The following ZDHHC14 variants were observed in gnomAD, a reference collection of about 807,000 sequenced individuals.
ZDHHC14 encodes palmitoyltransferase ZDHHC14.
A neutral mutation model predicts 47.7 loss-of-function variants in ZDHHC14; 16 were observed. The ratio of observed to expected loss-of-function variants is 0.34; its 90% CI spans 0.23 to 0.51. ZDHHC14 has a LOEUF of 0.51. ZDHHC14 is among the 20% of genes least tolerant of loss of function. ZDHHC14 has a pLI of 0.97. For synonymous variants in ZDHHC14, 293 were observed against 278.9 expected (o/e 1.05, Z -0.50); for missense variants, 515 against 662.5 (o/e 0.78, Z 2.44).
intron 1 of ZDHHC14, among the ~76,000 whole-genome samples, chr6:157,465,899 G>C (rs1324972089): frequency 2.0e-5 from 3 of 152,120 alleles, no homozygotes; most frequent in African/African-American, 7.2e-5. Context: ...AAAATTAGCC[G>C]GGCATGGTGG....
intron 3 of ZDHHC14, among the ~76,000 whole-genome samples, chr6:157,605,623 TA>T (rs1435688537): frequency 1.3e-5 from 2 of 152,304 alleles, no homozygotes; most frequent in Non-Finnish European, 2.9e-5. Flanking sequence ...TGAAGGTTCA[TA>T]ACGGTTCATG....
chr6:157,534,030 C>G (rs780626061), intron 1 of ZDHHC14, among the ~76,000 whole-genome samples: 6 of 152,056 alleles, frequency 3.9e-5, no homozygotes, highest in Non-Finnish European at 7.3e-5. Context: ...TGTGGGGTAC[C>G]TTAGATTGGA....
intron 1 of ZDHHC14, among the ~76,000 whole-genome samples, chr6:157,409,387 C>T (rs187528801): frequency 1.4e-3 from 212 of 152,198 alleles, no homozygotes; most frequent in Non-Finnish European, 2.1e-3. Context: ...GAGGGAGCAG[C>T]GGGTTACGTA....
At chr6:157,451,621 C>T (rs1057507085) in intron 1 of ZDHHC14, among the ~76,000 whole-genome samples, 28 of 152,268 alleles carry the variant, frequency 1.8e-4, no homozygotes, top group Admixed American at 5.2e-4. Flanking sequence ...AGGGCAGTGG[C>T]GCAATATCAG....
In ZDHHC14 at chr6:157,515,530, C is replaced by G. The variant is rs374914385; in HGVS notation, c.246-27055C>G. ...AGGCTGGAATGCAGTGGCGCGCTAT[C>G]TCCGCTCACTGCAAGCTCCGCCTCC... On this transcript the variant is annotated intron_variant, in intron 1 of 8. Coordinates refer to ENST00000359775, the MANE Select transcript of ZDHHC14 (RefSeq NM_024630.3). Among the ~76,000 whole-genome samples, 68 of 141,694 alleles carry G rather than the reference C, an allele frequency of 4.8e-4. 2 individuals are homozygous for G. In the South Asian group the frequency reaches 0.015, roughly 32 times the overall value. The allele number at this position is 141,694 out of a possible 152,430, so 93.0% of individuals were successfully genotyped here.
chr6:157,539,189 TACTC>T (rs1781654861), intron 1 of ZDHHC14, among the ~76,000 whole-genome samples: 2 of 151,982 alleles, frequency 1.3e-5, no homozygotes, highest in Admixed American at 1.3e-4. Flanking sequence ...GCAGGAGGAT[TACTC>T]GAGCCCAGGA....
At chr6:157,460,166 G>A (rs544699441) in intron 1 of ZDHHC14, among the ~76,000 whole-genome samples, 17 of 151,226 alleles carry the variant, frequency 1.1e-4, no homozygotes, top group Admixed American at 2.0e-4. Flanking sequence ...TTGCGCCACT[G>A]CACTCCAGCC....
rs535415819 is a variant in ZDHHC14, at chr6:157,676,723, G to C, written c.*3601G>C. 6.6e-6 allele frequency: 1 copy of C among 152,286 alleles called. No individual in the cohort carries two copies. The highest frequency in any genetic ancestry group is 1.5e-5 in the Non-Finnish European group (1 of 68,112). The allele number at this position is 152,286 out of a possible 1,614,324, so 9.4% of individuals were successfully genotyped here. On this transcript the variant is annotated 3_prime_UTR_variant, in exon 9 of 9. Transcript: ENST00000359775. The stretch of plus-strand genomic sequence containing the variant: ...GAGACTTTGAAGGGCACAGCCTGGC[G>C]GGCTACTCCCCAAGGGTCTCAGGTC...
intron 3 of ZDHHC14, among the ~76,000 whole-genome samples, chr6:157,612,296 C>G (rs1342223919): frequency 6.6e-6 from 1 of 152,208 alleles, no homozygotes; most frequent in Non-Finnish European, 1.5e-5. Context: ...CACTCTGCTC[C>G]TCATCTAATC....
intron 1 of ZDHHC14, among the ~76,000 whole-genome samples, chr6:157,406,247 G>C (rs1283314186): frequency 1.3e-5 from 2 of 152,182 alleles, no homozygotes; most frequent in Admixed American, 1.3e-4. Context: ...GTGCTGAGAG[G>C]TGCACAGGAG....
chr6:157,583,768 G>A, intron 2 of ZDHHC14, among the ~76,000 whole-genome samples: 1 of 152,162 alleles, frequency 6.6e-6, no homozygotes, highest in East Asian at 1.9e-4. Flanking sequence ...CAGCTCTGGG[G>A]TAAGCTCAGG....
intron 8 of ZDHHC14, among the ~76,000 whole-genome samples, chr6:157,657,726 T>C (rs550754379): frequency 6.6e-6 from 1 of 152,354 alleles, no homozygotes; most frequent in South Asian, 2.1e-4. Context: ...CAGAATTGTA[T>C]AGTCAAGTCC....
In ZDHHC14 at chr6:157,647,279, T is replaced by C. The variant is rs770092079; in HGVS notation, c.876T>C (p.Asn292=). Residue 292 remains asparagine, a synonymous_variant, in exon 7 of 9, where the codon AAT becomes AAC. Transcript: ENST00000359775. ...TTCAGATTAAAGGATCCTGGTCAAATAAAAGAGGTAAAGAAAATTACAATC... is the reference window on the plus strand; with the variant it reads ...TTCAGATTAAAGGATCCTGGTCAAACAAAAGAGGTAAAGAAAATTACAATC... ...TNEDIKGSWS[N]KRGKENYNPY... 4.3e-6 allele frequency: 7 copies of C among 1,613,916 alleles called. No individual in the cohort carries two copies. Among genetic ancestry groups the C allele is most frequent in the Non-Finnish European group, 5.9e-6 (7 of 1,179,870 alleles).
intron 2 of ZDHHC14, among the ~76,000 whole-genome samples, chr6:157,544,521 A>T (rs550917315): frequency 6.6e-6 from 1 of 152,162 alleles, no homozygotes; most frequent in East Asian, 1.9e-4. Flanking sequence ...TGGTGGTGCG[A>T]GCCTGTAGTC....
Position 157,582,024 on chromosome 6 carries a change from T to C in ZDHHC14, c.407-10964T>C, listed in dbSNP as rs764897158. 3.9e-5 allele frequency among the ~76,000 whole-genome samples: 6 copies of C among 152,092 alleles called. No homozygotes were observed. The highest frequency in any genetic ancestry group is 5.9e-5 in the Non-Finnish European group (4 of 68,006). ...GATTCACCCACCTCAACCTCCTGAG[T>C]AGCTGGAACTACAGGCACACGCCAC... On this transcript the variant is annotated intron_variant, in intron 2 of 8. Transcript: ENST00000359775. The surrounding 1 kb of genome is among the most constrained non-coding windows in gnomAD (Gnocchi z 4.3).
intron 1 of ZDHHC14, among the ~76,000 whole-genome samples, chr6:157,507,377 A>G (rs1331079310): frequency 6.6e-6 from 1 of 150,592 alleles, no homozygotes; most frequent in East Asian, 2.0e-4. Context: ...TCCGCCTTCC[A>G]GGTTCAAGCA....
At chr6:157,611,382 C>T (rs77696067) in intron 3 of ZDHHC14, among the ~76,000 whole-genome samples, 1,995 of 152,264 alleles carry the variant, frequency 0.013, 17 homozygotes, top group East Asian at 0.046. Context: ...TAAGGTATCA[C>T]GTCTTTTTTA....
rs548759742 is a variant in ZDHHC14 at position 157,517,863 on chromosome 6, AG to A, written c.246-24719del. ...TAGATAGTGTTGTCACCTACAGAGG[AG>A]GGTTTTTAAAAGTGTCGCTGTTGCC... On this transcript the variant is annotated intron_variant, in intron 1 of 8. Coordinates refer to ENST00000359775, the MANE Select transcript of ZDHHC14 (RefSeq NM_024630.3). 4.4e-3 allele frequency among the ~76,000 whole-genome samples: 677 copies of A among 152,242 alleles called. 5 individuals are homozygous for A. Among genetic ancestry groups the A allele is most frequent in the Non-Finnish European group, 8.0e-3 (541 of 68,000 alleles).
rs900742751 is a variant in ZDHHC14 at position 157,656,129 on chromosome 6, C to T, written c.1068+2502C>T. On this transcript the variant is annotated intron_variant, in intron 8 of 8. Transcript: ENST00000359775. Reference sequence around the variant, plus strand: ...CTGGAGTCCATTCATTCTACACCTGCACCAAGACTCTGGACATGGCAGAAA... The same window carrying T: ...CTGGAGTCCATTCATTCTACACCTGTACCAAGACTCTGGACATGGCAGAAA... Among the ~76,000 whole-genome samples, 7 of 152,220 alleles carry T rather than the reference C, an allele frequency of 4.6e-5. No homozygotes were observed. In the East Asian group the frequency reaches 1.2e-3, roughly 25 times the overall value.
Sources: allele counts gnomAD v4.1 joint callset (sites outside exome capture counted in the v4.1 genomes callset), GRCh38; gene constraint gnomAD v4.1.1; non-coding constraint Gnocchi (gnomAD v3.1); transcripts MANE v1.5; gene names NCBI Gene and HGNC (gene_info 2026-07-23, HGNC 2026-07-21).